Variants in NRG3 observed in about 807,000 individuals in gnomAD.
NRG3 encodes the protein pro-neuregulin-3, membrane-bound isoform.
A neutral mutation model predicts 66.9 loss-of-function variants in NRG3; 31 were observed. That is an observed-to-expected ratio of 0.46 (90% CI 0.35 to 0.63). The LOEUF is 0.63. Ranked by LOEUF, NRG3 falls within the 20% of genes least tolerant of loss-of-function variation. The probability of loss-of-function intolerance (pLI) is 0.00; values close to 1 mark genes in which losing one functional copy is unlikely to be tolerated. For missense variants in NRG3, 910 were observed against 878.9 expected (o/e 1.04, Z -0.45); for synonymous variants, 393 against 359.4 (o/e 1.09, Z -1.06).
At chr10:82,168,498 T>C (rs1426746368) in intron 1 of NRG3, among the ~76,000 whole-genome samples, 1 of 152,168 alleles carries the variant, frequency 6.6e-6, no homozygotes, top group Non-Finnish European at 1.5e-5. Flanking sequence ...AAAGTATCAA[T>C]ACATAATCTC....
chr10:82,449,556 A>C (rs544934975), intron 2 of NRG3, among the ~76,000 whole-genome samples: 1 of 152,238 alleles, frequency 6.6e-6, no homozygotes, highest in African/African-American at 2.4e-5. Flanking sequence ...CAGAGAACGA[A>C]TAACTTGAAG....
intron 2 of NRG3, among the ~76,000 whole-genome samples, chr10:82,697,998 C>T (rs766038792): frequency 6.6e-6 from 1 of 152,116 alleles, no homozygotes; most frequent in Admixed American, 6.6e-5. Flanking sequence ...GTCCATCTGA[C>T]ATTGTAAACA....
At chr10:82,580,901 TTG>T (rs56906298) in intron 2 of NRG3, among the ~76,000 whole-genome samples, 10,121 of 147,114 alleles carry the variant, frequency 0.069, 506 homozygotes, top group East Asian at 0.23. Flanking sequence ...GTTTGTAAGT[TTG>T]TGTGTGTGTG....
At position 82,393,793 on chromosome 10, in the gene NRG3, T is replaced by C. The variant is rs1432592615; in HGVS notation, c.953+34925T>C. 2.0e-5 allele frequency among the ~76,000 whole-genome samples: 3 copies of C among 152,276 alleles called. No individual in the cohort carries two copies. The East Asian group carries it at 5.8e-4, about 29-fold the overall frequency. Reference sequence around the variant, plus strand: ...TTTTCATAAGTGCTTATTAAAAGAATAATGGAATGGTCATCAGCAAGCTCC... The same window carrying C: ...TTTTCATAAGTGCTTATTAAAAGAACAATGGAATGGTCATCAGCAAGCTCC... On this transcript the variant is annotated intron_variant, in intron 2 of 8. Coordinates refer to ENST00000372141, the MANE Select transcript of NRG3 (RefSeq NM_001010848.4).
intron 1 of NRG3, among the ~76,000 whole-genome samples, chr10:82,203,314 A>G (rs540047771): frequency 2.0e-5 from 3 of 152,304 alleles, no homozygotes; most frequent in African/African-American, 7.2e-5. Flanking sequence ...AGTAGGCTAC[A>G]AGTAGCGGAT....
chr10:82,738,825 T>A (rs559512857), intron 3 of NRG3, among the ~76,000 whole-genome samples, 175 bp downstream of exon 3: 4 of 152,198 alleles, frequency 2.6e-5, no homozygotes, highest in Non-Finnish European at 4.4e-5. Context: ...TGGCTCAGTC[T>A]AGGTCTTCTC....
At chr10:82,301,895 T>C (rs531772317) in intron 1 of NRG3, among the ~76,000 whole-genome samples, 4 of 152,034 alleles carry the variant, frequency 2.6e-5, no homozygotes, top group African/African-American at 9.6e-5. Flanking sequence ...TTTTTGTGTA[T>C]TTCTTTTTGG....
chr10:82,085,693 A>G (rs1793684217), intron 1 of NRG3, among the ~76,000 whole-genome samples: 2 of 151,710 alleles, frequency 1.3e-5, no homozygotes, highest in African/African-American at 4.8e-5. Context: ...CTGGAGTGCA[A>G]TGGTGCAGTC....
intron 2 of NRG3, among the ~76,000 whole-genome samples, chr10:82,714,661 T>C (rs2056869065): frequency 6.6e-6 from 1 of 152,238 alleles, no homozygotes; most frequent in Admixed American, 6.5e-5. Flanking sequence ...TTGCAAATTC[T>C]AAATAAGGAT....
intron 2 of NRG3, among the ~76,000 whole-genome samples, chr10:82,518,827 G>A (rs1845933144): frequency 6.6e-6 from 1 of 152,006 alleles, no homozygotes; most frequent in South Asian, 2.1e-4. Flanking sequence ...CCCATTGTGA[G>A]GTATAATAGA....
At chr10:81,893,900 A>G (rs891509980) in intron 1 of NRG3, among the ~76,000 whole-genome samples, 2 of 152,184 alleles carry the variant, frequency 1.3e-5, no homozygotes, top group African/African-American at 4.8e-5. Flanking sequence ...ATTTAGTAAC[A>G]AAAGATTTTT....
chr10:81,955,794 A>T lies in NRG3; in HGVS notation c.823+79631A>T, dbSNP rs113650226. Among the ~76,000 whole-genome samples, 602 of 152,216 alleles carry T rather than the reference A, an allele frequency of 4.0e-3. 2 individuals are homozygous for T. Among genetic ancestry groups the T allele is most frequent in the African/African-American group, 0.014 (563 of 41,536 alleles). ...CATGACTTTAATATTCTCCATGCTG[A>T]TGATACCAAAATATGTTTCTCAGAC... On this transcript the variant is annotated intron_variant, in intron 1 of 8. Coordinates refer to ENST00000372141, the MANE Select transcript of NRG3 (RefSeq NM_001010848.4).
chr10:81,878,203 G>A (rs1564627268), intron 1 of NRG3: 12 of 967,456 alleles, frequency 1.2e-5, no homozygotes, highest in African/African-American at 1.7e-5. Context: ...CCAAGGAAAA[G>A]AGGGGAAAAA....
chr10:82,796,222 TTATTCTA>T (rs1386250042), intron 3 of NRG3, among the ~76,000 whole-genome samples: 12 of 152,126 alleles, frequency 7.9e-5, no homozygotes, highest in Non-Finnish European at 7.4e-5. Flanking sequence ...ACTGAAAACA[TTATTCTA>T]TCATTAAAAC....
chr10:82,976,672 G>A (rs1852285602), intron 7 of NRG3, among the ~76,000 whole-genome samples: 1 of 152,120 alleles, frequency 6.6e-6, no homozygotes, highest in African/African-American at 2.4e-5. Flanking sequence ...CACCAAGAGG[G>A]CTGCAGGCTC....
At chr10:82,287,215 C>T (rs752935717) in intron 1 of NRG3, among the ~76,000 whole-genome samples, 16 of 151,978 alleles carry the variant, frequency 1.1e-4, no homozygotes, top group South Asian at 2.1e-4. Context: ...GGTTCTGTCC[C>T]GGTGATACTG....
At chr10:82,362,548 GTTTTTT>G (rs10694679) in intron 2 of NRG3, among the ~76,000 whole-genome samples, 1 of 83,186 alleles carries the variant, frequency 1.2e-5, no homozygotes, top group Non-Finnish European at 2.2e-5. Flanking sequence ...TAATTTCTGG[GTTTTTT>G]TTTTTTTTTT....
At chr10:82,295,171 C>T (rs548836681) in intron 1 of NRG3, among the ~76,000 whole-genome samples, 1 of 152,234 alleles carries the variant, frequency 6.6e-6, no homozygotes, top group Non-Finnish European at 1.5e-5. Flanking sequence ...TATGACTAAT[C>T]CCTCCCAAAT....
chr10:81,948,575 G>A (rs1564681923), intron 1 of NRG3, among the ~76,000 whole-genome samples: 1 of 152,206 alleles, frequency 6.6e-6, no homozygotes, highest in Admixed American at 6.6e-5. Context: ...ACTGAGGCAA[G>A]TTCTTGTGCT....
Sources: allele counts gnomAD v4.1 joint callset (sites outside exome capture counted in the v4.1 genomes callset), GRCh38; gene constraint gnomAD v4.1.1; transcripts MANE v1.5; gene names NCBI Gene and HGNC (gene_info 2026-07-23, HGNC 2026-07-21).